Variants in MAPK8 observed in about 807,000 individuals in gnomAD.
MAPK8 encodes the protein JUN N-terminal kinase.
In MAPK8, 13 loss-of-function variants were observed where a neutral mutation model predicts 52.9. The ratio of observed to expected loss-of-function variants is 0.25; its 90% CI spans 0.16 to 0.39. The LOEUF (loss-of-function observed/expected upper bound fraction) is 0.39. MAPK8 is among the 10% of genes least tolerant of loss of function. The pLI, the probability that MAPK8 is intolerant of heterozygous loss-of-function variation, is 1.00. For missense variants in MAPK8, 300 were observed against 519.2 expected (o/e 0.58, Z 4.10); for synonymous variants, 191 against 169.8 (o/e 1.12, Z -0.97).
rs1401334557 is a variant in MAPK8 at position 48,438,903 on chromosome 10, C to T, written c.*3874C>T. ...TTTACATTTTACAAAAGGAGTAAAT[C>T]TTAGTAAAAATTTTACGAAGAAATA... On this transcript the variant is annotated 3_prime_UTR_variant, in exon 12 of 12. Transcript: ENST00000374189. 2 of 152,136 alleles carry T rather than the reference C, an allele frequency of 1.3e-5. No individual in the cohort carries two copies. 9.4% of individuals were successfully genotyped at this position (152,136 alleles called of 1,614,324 possible).
intron 1 of MAPK8, among the ~76,000 whole-genome samples, chr10:48,346,502 CA>C (rs1221256979): frequency 6.6e-6 from 1 of 152,220 alleles, no homozygotes; most frequent in Non-Finnish European, 1.5e-5. Flanking sequence ...CCAGCAGTAG[CA>C]AAAGGTGTCA....
intron 1 of MAPK8, among the ~76,000 whole-genome samples, chr10:48,400,682 A>G (rs1458948016): frequency 6.6e-6 from 1 of 152,216 alleles, no homozygotes; most frequent in Admixed American, 6.5e-5. Flanking sequence ...GGGGGTTAGC[A>G]TTATCTTAAA....
chr10:48,409,985 A>T lies in MAPK8; in HGVS notation c.312-45A>T, dbSNP rs764922881. On this transcript the variant is annotated intron_variant, in intron 4 of 11. Coordinates refer to ENST00000374189, the MANE Select transcript of MAPK8 (RefSeq NM_001323329.2). ...TGTTAAGTTAGTACATTTTTCTTAG[A>T]TTGCTGCTGGACACTTTAGCTGTTC... 8 of 1,608,234 alleles carry T rather than the reference A, an allele frequency of 5.0e-6. No homozygotes were observed. The Admixed American group carries it at 1.4e-4, about 27-fold the overall frequency.
chr10:48,351,661 G>A (rs1332610429), intron 1 of MAPK8, among the ~76,000 whole-genome samples: 1 of 152,004 alleles, frequency 6.6e-6, no homozygotes, highest in African/African-American at 2.4e-5. Context: ...GAAAAATACA[G>A]TAACCAAAAT....
chr10:48,434,410 C>A (rs990265928), intron 11 of MAPK8, among the ~76,000 whole-genome samples: 3 of 152,118 alleles, frequency 2.0e-5, no homozygotes, highest in African/African-American at 7.2e-5. Context: ...AAATTTGAAT[C>A]ATTTGAATTT....
At chr10:48,414,594 TGAGACAGGGTCTC>T (rs2042961501) in intron 5 of MAPK8, among the ~76,000 whole-genome samples, 1 of 104,392 alleles carries the variant, frequency 9.6e-6, no homozygotes, top group Non-Finnish European at 1.9e-5. Context: ...TTTTTTTTTT[TGAGACAGGGTCTC>T]TGTCTGTCAC....
At chr10:48,381,008 ATC>A (rs961472038) in intron 1 of MAPK8, among the ~76,000 whole-genome samples, 3 of 152,044 alleles carry the variant, frequency 2.0e-5, no homozygotes, top group African/African-American at 7.2e-5. Context: ...GCTCAAGAAA[ATC>A]TCTCTCTCCC....
chr10:48,316,315 G>A (rs545263088), intron 1 of MAPK8, among the ~76,000 whole-genome samples: 2 of 152,164 alleles, frequency 1.3e-5, no homozygotes, highest in African/African-American at 2.4e-5. Context: ...GTACAGGTTC[G>A]TAGCCTAGGG....
At chr10:48,406,708 T>C (rs2042491533) in intron 3 of MAPK8, among the ~76,000 whole-genome samples, 1 of 152,232 alleles carries the variant, frequency 6.6e-6, no homozygotes, top group Non-Finnish European at 1.5e-5. Flanking sequence ...TCTGTACAGA[T>C]TGTCTCTTCA....
chr10:48,359,923 A>G (rs1166322087), intron 1 of MAPK8, among the ~76,000 whole-genome samples: 2 of 152,250 alleles, frequency 1.3e-5, no homozygotes, highest in African/African-American at 4.8e-5. Flanking sequence ...TTTGGAACTC[A>G]TCTTTGCCAG....
chr10:48,356,303 A>G (rs1034712715), intron 1 of MAPK8, among the ~76,000 whole-genome samples: 3 of 152,206 alleles, frequency 2.0e-5, no homozygotes, highest in African/African-American at 4.8e-5. Context: ...TTCAGAGTCT[A>G]AAGTTAATCA....
At chr10:48,352,733 C>T (rs534895922) in intron 1 of MAPK8, among the ~76,000 whole-genome samples, 1 of 152,300 alleles carries the variant, frequency 6.6e-6, no homozygotes, top group East Asian at 1.9e-4. Flanking sequence ...ACTCACAACT[C>T]TTATTCAACA....
chr10:48,352,331 A>G (rs990262505), intron 1 of MAPK8, among the ~76,000 whole-genome samples: 1 of 152,018 alleles, frequency 6.6e-6, no homozygotes, highest in Non-Finnish European at 1.5e-5. Flanking sequence ...AAACCTACCA[A>G]TAAAGACCAA....
chr10:48,352,740 A>G (rs913130545), intron 1 of MAPK8, among the ~76,000 whole-genome samples: 1 of 152,200 alleles, frequency 6.6e-6, no homozygotes, highest in Non-Finnish European at 1.5e-5. Flanking sequence ...ACTCTTATTC[A>G]ACAAAATATT....
chr10:48,335,540 T>C (rs1442301753), intron 1 of MAPK8, among the ~76,000 whole-genome samples: 1 of 152,228 alleles, frequency 6.6e-6, no homozygotes, highest in Non-Finnish European at 1.5e-5. Flanking sequence ...TTGATAGTTT[T>C]AATTTTTTCA....
At chr10:48,387,967 CA>C (rs1371654902) in intron 1 of MAPK8, among the ~76,000 whole-genome samples, 3 of 152,022 alleles carry the variant, frequency 2.0e-5, no homozygotes, top group Admixed American at 2.0e-4. Flanking sequence ...TCATAAAAGC[CA>C]ATATGAAATC....
intron 1 of MAPK8, among the ~76,000 whole-genome samples, chr10:48,329,019 G>A (rs938521840): frequency 5.9e-5 from 9 of 152,104 alleles, no homozygotes; most frequent in Non-Finnish European, 1.0e-4. Context: ...CAAATATTAT[G>A]TGCCAACACT....
chr10:48,405,014 A>G, intron 3 of MAPK8, 33 bp downstream of exon 3: 2 of 1,486,722 alleles, frequency 1.3e-6, no homozygotes, highest in Non-Finnish European at 1.8e-6. Context: ...CTAAGTATAG[A>G]TGAAATCAAG....
At chr10:48,385,545 T>A (rs1438949897) in intron 1 of MAPK8, among the ~76,000 whole-genome samples, 2 of 152,218 alleles carry the variant, frequency 1.3e-5, no homozygotes, top group Non-Finnish European at 2.9e-5. Context: ...GGCACAGATT[T>A]ATACAGAAAA....
Sources: gnomAD v4.1 joint callset for allele counts (sites outside exome capture counted in the v4.1 genomes callset) on GRCh38, gnomAD v4.1.1 for gene constraint, MANE v1.5 for transcripts, NCBI Gene and HGNC (gene_info 2026-07-23, HGNC 2026-07-21) for gene names.